ARHGAP32: variants seen among roughly 807,000 people sequenced by gnomAD.
The protein encoded by ARHGAP32 is Rho GTPase activating protein 32.
In ARHGAP32, 51 loss-of-function variants were observed where a neutral mutation model predicts 186.5. That is an observed-to-expected ratio of 0.27 (90% confidence interval 0.22 to 0.35). The LOEUF is 0.35. ARHGAP32 is among the 10% of genes least tolerant of loss of function. ARHGAP32 has a pLI of 1.00. For synonymous variants in ARHGAP32, 950 were observed against 964.3 expected (o/e 0.99, Z 0.27); for missense variants, 2,186 against 2,623.5 (o/e 0.83, Z 3.64).
chr11:129,029,193 C>T (rs1431764407), intron 11 of ARHGAP32, among the ~76,000 whole-genome samples: 1 of 151,956 alleles, frequency 6.6e-6, no homozygotes, highest in African/African-American at 2.4e-5. Flanking sequence ...TTTATATAGG[C>T]CTTATAAAAA....
chr11:129,178,123 T>C (rs2135524209), intron 1 of ARHGAP32, among the ~76,000 whole-genome samples: 1 of 151,382 alleles, frequency 6.6e-6, no homozygotes, highest in East Asian at 1.9e-4. Context: ...TGTACAAAAA[T>C]CACAAGCATT....
chr11:129,220,154 T>A (rs1023363347), intron 1 of ARHGAP32, among the ~76,000 whole-genome samples: 5 of 152,214 alleles, frequency 3.3e-5, no homozygotes, highest in Non-Finnish European at 7.3e-5. Flanking sequence ...TTCTCCAGAA[T>A]GGATCAACTT....
intron 2 of ARHGAP32, among the ~76,000 whole-genome samples, chr11:129,135,400 C>T (rs143527504): frequency 1.8e-4 from 27 of 152,284 alleles, no homozygotes; most frequent in African/African-American, 6.5e-4. Flanking sequence ...GACAAAGGCA[C>T]CACCGCAATT....
chr11:128,998,963 C>A (rs1403953396), intron 11 of ARHGAP32, among the ~76,000 whole-genome samples: 2 of 152,134 alleles, frequency 1.3e-5, no homozygotes, highest in Admixed American at 1.3e-4. Flanking sequence ...ATTGTGTTAA[C>A]TGCACAAATT....
chr11:129,055,479 A>C (rs1390999226), intron 10 of ARHGAP32, among the ~76,000 whole-genome samples: 1 of 152,268 alleles, frequency 6.6e-6, no homozygotes, highest in Non-Finnish European at 1.5e-5. Context: ...AATAACCTGC[A>C]CATAGATGTT....
intron 1 of ARHGAP32, among the ~76,000 whole-genome samples, chr11:129,248,664 A>G (rs191112585): frequency 5.4e-4 from 83 of 152,330 alleles, no homozygotes; most frequent in African/African-American, 1.9e-3. Flanking sequence ...TGCCTGGAAT[A>G]TAAGTCTTTA....
intron 6 of ARHGAP32, among the ~76,000 whole-genome samples, chr11:129,084,807 C>A (rs1231193348): frequency 6.6e-6 from 1 of 151,930 alleles, no homozygotes; most frequent in Non-Finnish European, 1.5e-5. Flanking sequence ...CTAGCTAATA[C>A]AATAAGAAAA....
At chr11:129,124,678 G>A (rs2135384874) in intron 3 of ARHGAP32, 125 bp downstream of exon 3, 1 of 619,692 alleles carries the variant, frequency 1.6e-6, no homozygotes, top group Non-Finnish European at 2.7e-6. Flanking sequence ...CATAATTTAA[G>A]GATTAGCAGT....
At position 129,126,152 on chromosome 11, in the gene ARHGAP32, G is replaced by T. The variant is rs563573946; in HGVS notation, c.226-1258C>A. 16 of 232,880 alleles carry T rather than the reference G, an allele frequency of 6.9e-5. No homozygotes were observed. The South Asian group carries it at 8.0e-4, about 12-fold the overall frequency. The allele number at this position is 232,880 out of a possible 1,614,324, so 14.4% of individuals were successfully genotyped here. On this transcript the variant is annotated intron_variant, in intron 2 of 22. Transcript: ENST00000682385. ...AAGTATATTTTTAAAAAGGGAAAAT[G>T]AGATAATATCCTAGAAAAAGCGTTG...
intron 21 of ARHGAP32, 194 bp downstream of exon 21, chr11:128,973,930 C>G (rs1417492027): frequency 8.0e-6 from 5 of 623,926 alleles, no homozygotes; most frequent in Non-Finnish European, 1.4e-5. Context: ...TGAAGCAGGA[C>G]CATTGGCCCT....
rs531064035 is a variant in ARHGAP32 at position 129,151,089 on chromosome 11, G to GA, written c.225+13229dup. 4.2e-3 allele frequency among the ~76,000 whole-genome samples: 635 copies of GA among 151,742 alleles called. 9 individuals carry two copies. The highest frequency in any genetic ancestry group is 0.014 in the African/African-American group (594 of 41,388). On this transcript the variant is annotated intron_variant, in intron 2 of 22. Coordinates refer to ENST00000682385, the MANE Select transcript of ARHGAP32 (RefSeq NM_001378024.1). ...AGGAGGAGTAGCAATTTTTATACCA[G>GA]AAAAAAACAGACTTTAAAGCAAAAA...
At chr11:129,065,513 A>G (rs1940657553) in intron 7 of ARHGAP32, among the ~76,000 whole-genome samples, 1 of 152,142 alleles carries the variant, frequency 6.6e-6, no homozygotes, top group Admixed American at 6.5e-5. Context: ...GGTAGTGGCC[A>G]TGTTTTAGGA....
chr11:129,140,117 A>T (rs1460937806), intron 2 of ARHGAP32, among the ~76,000 whole-genome samples: 5 of 152,186 alleles, frequency 3.3e-5, no homozygotes, highest in South Asian at 2.1e-4. Flanking sequence ...AAAGTCAAAG[A>T]TTTGAAGCAC....
At chr11:129,027,874 C>CTG (rs1430048791) in intron 11 of ARHGAP32, among the ~76,000 whole-genome samples, 2 of 152,164 alleles carry the variant, frequency 1.3e-5, no homozygotes, top group African/African-American at 4.8e-5. Flanking sequence ...CTGGTGTGTT[C>CTG]ACTGTTTTAG....
chr11:129,185,679 G>A (rs1252063296), intron 1 of ARHGAP32, among the ~76,000 whole-genome samples: 1 of 152,070 alleles, frequency 6.6e-6, no homozygotes, highest in Non-Finnish European at 1.5e-5. Flanking sequence ...CAGAATGGGT[G>A]AATAAAAGAG....
chr11:129,018,539 T>C lies in ARHGAP32; in HGVS notation c.1046-20071A>G, dbSNP rs533882693. ...AACTTATCTTTAGCAAGCATTGTTA[T>C]ATGACCCAAAAGGATCTTTAGGCAA... On this transcript the variant is annotated intron_variant, in intron 11 of 22. Coordinates refer to ENST00000682385, the MANE Select transcript of ARHGAP32 (RefSeq NM_001378024.1). Among the ~76,000 whole-genome samples the C allele has an allele frequency of 6.6e-5, 10 of 152,338 alleles. 1 individual carries two copies. In the South Asian group the frequency reaches 2.1e-3, roughly 32 times the overall value.
At chr11:129,209,722 A>G (rs1017761314) in intron 1 of ARHGAP32, among the ~76,000 whole-genome samples, 3 of 152,220 alleles carry the variant, frequency 2.0e-5, no homozygotes, top group African/African-American at 7.2e-5. Flanking sequence ...GATGGCAAAG[A>G]AAGTAAAGAT....
intron 1 of ARHGAP32, among the ~76,000 whole-genome samples, chr11:129,209,846 T>C (rs890831531): frequency 2.0e-5 from 3 of 152,190 alleles, no homozygotes; most frequent in Admixed American, 2.0e-4. Context: ...ACTTAAAAGC[T>C]GAAAAGTTTT....
intron 5 of ARHGAP32, among the ~76,000 whole-genome samples, chr11:129,097,015 A>G (rs968031469): frequency 1.3e-4 from 20 of 152,222 alleles, no homozygotes; most frequent in African/African-American, 4.8e-4. Context: ...AGAACAATAA[A>G]AAACAAACAA....
Sources: gnomAD v4.1 joint callset for allele counts (sites outside exome capture counted in the v4.1 genomes callset) on GRCh38, gnomAD v4.1.1 for gene constraint, MANE v1.5 for transcripts, NCBI Gene and HGNC (gene_info 2026-07-23, HGNC 2026-07-21) for gene names.